The following USP25 variants were observed in gnomAD, a reference collection of about 807,000 sequenced individuals.
The protein encoded by USP25 is ubiquitin carboxyl-terminal hydrolase 25.
Under a neutral mutation model 158.5 loss-of-function variants are expected in USP25, and 85 were observed. That is an observed-to-expected ratio of 0.54 (90% confidence interval 0.45 to 0.64). The LOEUF is 0.64. Ranked by LOEUF, USP25 falls within the 30% of genes least tolerant of loss-of-function variation. USP25 has a pLI of 0.00. For synonymous variants in USP25, 464 were observed against 460.4 expected (o/e 1.01, Z -0.10); for missense variants, 1,242 against 1,327.3 (o/e 0.94, Z 1.00).
rs2037522561 is a variant in USP25 at position 15,826,724 on chromosome 21, A to C, written c.1467-253A>C. ...ATAAGCCAGGGAAAATAATATCACC[A>C]TGCGTAAGATTTTCTTGTTTTTTAG... On this transcript the variant is annotated intron_variant, in intron 13 of 25. Coordinates refer to ENST00000400183, the MANE Select transcript of USP25 (RefSeq NM_001283041.3). This position sits in a 1 kb window ranked among gnomAD's most constrained non-coding sequence, Gnocchi z 4.8. 6.6e-6 allele frequency among the ~76,000 whole-genome samples: 1 copy of C among 152,222 alleles called. No homozygotes were observed. Among genetic ancestry groups the C allele is most frequent in the Non-Finnish European group, 1.5e-5 (1 of 68,032 alleles).
intron 4 of USP25, among the ~76,000 whole-genome samples, chr21:15,780,301 C>T (rs537761339): frequency 1.3e-5 from 2 of 152,096 alleles, no homozygotes; most frequent in Admixed American, 6.5e-5. Context: ...GGCATTTATA[C>T]GTTTCATGCT....
At position 15,762,908 on chromosome 21, in the gene USP25, G is replaced by A. The variant is rs148656120; in HGVS notation, c.63G>A (p.Leu21=). 6.1e-5 allele frequency: 99 copies of A among 1,612,394 alleles called. No homozygotes were observed. The highest frequency in any genetic ancestry group is 8.1e-5 in the Non-Finnish European group (95 of 1,179,120). The change falls in exon 2 of 26, where the codon TTG becomes TTA. Residue 21 remains leucine, a synonymous_variant. Transcript: ENST00000400183. ...SAAQKHQQTF[L]NQLREITGIN... Reference sequence around the variant, plus strand: ...CCCTCTAGCACCAGCAGACGTTTTTGAATCAACTGAGAGAAATTACGGGGA... The same window carrying A: ...CCCTCTAGCACCAGCAGACGTTTTTAAATCAACTGAGAGAAATTACGGGGA...
chr21:15,767,699 A>T (rs2034123083), intron 3 of USP25, among the ~76,000 whole-genome samples: 1 of 152,044 alleles, frequency 6.6e-6, no homozygotes, highest in Non-Finnish European at 1.5e-5. Context: ...GGAAAAGGAT[A>T]ATTTTGACTA....
intron 8 of USP25, among the ~76,000 whole-genome samples, chr21:15,810,424 A>G (rs1053540264): frequency 2.0e-5 from 3 of 152,212 alleles, no homozygotes; most frequent in East Asian, 3.8e-4. Flanking sequence ...ACGCATTTCT[A>G]TACAGTAAGG....
chr21:15,826,260 A>G lies in USP25; in HGVS notation c.1361A>G (p.Tyr454Cys). The change falls in exon 13 of 26, where the codon TAT (tyrosine) becomes TGT (cysteine). Residue 454 changes from tyrosine (Y) to cysteine (C), a missense_variant. Around this residue, in one of 3 missense-constraint regions of USP25, gnomAD observed 627 missense variants for 701.4 expected, o/e 0.89. Transcript: ENST00000400183. The surrounding 1 kb of genome is among the most constrained non-coding windows in gnomAD (Gnocchi z 4.8). Reference sequence around the variant, plus strand: ...TTCCCCTTGGTAGATGTTCTTCAGTATGCATTGGAATTTGCCTCAAGTAAA... The same window carrying G: ...TTCCCCTTGGTAGATGTTCTTCAGTGTGCATTGGAATTTGCCTCAAGTAAA... ...KRFPLVDVLQ[Y>C]ALEFASSKPV... The G allele has an allele frequency of 1.2e-6, 2 of 1,614,098 alleles. No individual in the cohort carries two copies. Among genetic ancestry groups the G allele is most frequent in the African/African-American group, 1.3e-5 (1 of 75,048 alleles).
chr21:15,753,421 A>C (rs548177218), intron 1 of USP25, among the ~76,000 whole-genome samples: 33 of 152,368 alleles, frequency 2.2e-4, no homozygotes, highest in Admixed American at 1.2e-3. Context: ...AAATTCCTAT[A>C]GTCCCGGGGG....
chr21:15,757,797 A>G (rs989685178), intron 1 of USP25, among the ~76,000 whole-genome samples: 1 of 152,212 alleles, frequency 6.6e-6, no homozygotes, highest in African/African-American at 2.4e-5. Flanking sequence ...AAAAGGAAAT[A>G]CATCATGTGT....
intron 7 of USP25, 94 bp downstream of exon 7, chr21:15,805,352 G>T (rs1163115437): frequency 1.7e-6 from 2 of 1,201,290 alleles, no homozygotes; most frequent in Non-Finnish European, 2.2e-6. Context: ...TATTTGAGAT[G>T]CATGATTCTG....
At chr21:15,820,655 T>C (rs2037185260) in intron 10 of USP25, among the ~76,000 whole-genome samples, 1 of 151,992 alleles carries the variant, frequency 6.6e-6, no homozygotes. Context: ...AAATAACATA[T>C]TTAAATTATA....
At chr21:15,850,832 A>T (rs896856388) in intron 20 of USP25, among the ~76,000 whole-genome samples, 1 of 151,992 alleles carries the variant, frequency 6.6e-6, no homozygotes, top group African/African-American at 2.4e-5. Context: ...TAGGGTGACT[A>T]ACTCTCCTGA....
chr21:15,765,821 T>C (rs2034007113), intron 2 of USP25, among the ~76,000 whole-genome samples, 176 bp from the exon 3 acceptor site: 1 of 152,088 alleles, frequency 6.6e-6, no homozygotes, highest in African/African-American at 2.4e-5. Context: ...GGTATTACTA[T>C]TGATATAGTA....
intron 2 of USP25, among the ~76,000 whole-genome samples, chr21:15,763,234 G>T (rs147208383): frequency 6.6e-4 from 100 of 152,222 alleles, no homozygotes; most frequent in South Asian, 1.5e-3. Flanking sequence ...AGTGGGATGT[G>T]AATCCTAATT....
In USP25 at chr21:15,874,525, T is replaced by C; in HGVS notation, c.3008T>C (p.Leu1003Pro). The change falls in exon 24 of 26, where the codon CTA becomes CCA. Residue 1003 changes from leucine to proline, a missense_variant and splice_region_variant. Coordinates refer to ENST00000400183, the MANE Select transcript of USP25 (RefSeq NM_001283041.3). ...LISHYRRECL[L>P]KLNEQAAELF... ...TCACATTATAGAAGAGAATGTTTGC[T>C]AGTAAGTTGAATGCATATAGTATGA... 6.3e-7 allele frequency: 1 copy of C among 1,596,288 alleles called. No individual in the cohort carries two copies. The highest frequency in any genetic ancestry group is 8.5e-7 in the Non-Finnish European group (1 of 1,174,626).
At chr21:15,817,077 A>C (rs1163339124) in intron 9 of USP25, among the ~76,000 whole-genome samples, 1 of 151,494 alleles carries the variant, frequency 6.6e-6, no homozygotes, top group East Asian at 1.9e-4. Flanking sequence ...GTTTGCAGTG[A>C]GCCGAGATCA....
chr21:15,788,753 A>T (rs2123592984), intron 4 of USP25, among the ~76,000 whole-genome samples: 1 of 152,124 alleles, frequency 6.6e-6, no homozygotes, highest in East Asian at 1.9e-4. Flanking sequence ...GTTAAGGTGT[A>T]TTGTGATAAA....
chr21:15,793,588 T>A (rs2035709539), intron 5 of USP25, among the ~76,000 whole-genome samples: 1 of 151,660 alleles, frequency 6.6e-6, no homozygotes, highest in East Asian at 1.9e-4. Context: ...ACTCCTAACA[T>A]AGGCAAGTAT....
intron 3 of USP25, among the ~76,000 whole-genome samples, chr21:15,776,748 G>A (rs1241596500): frequency 6.6e-6 from 1 of 152,130 alleles, no homozygotes; most frequent in African/African-American, 2.4e-5. Flanking sequence ...GTTGGGGCGG[G>A]AGGATCACTG....
At chr21:15,791,805 G>A in intron 5 of USP25, 141 bp downstream of exon 5, 1 of 819,634 alleles carries the variant, frequency 1.2e-6, no homozygotes, top group Non-Finnish European at 1.7e-6. Flanking sequence ...AACTAGCTTG[G>A]GGATTGAAGT....
Position 15,816,725 on chromosome 21 carries a change from A to G in USP25, c.932-1973A>G, listed in dbSNP as rs530627419. ...AATCTTAGTTACAGATTCATATTCA[A>G]CTGTCTTCTCAAATTGAAATCTCAT... On this transcript the variant is annotated intron_variant, in intron 9 of 25. Transcript: ENST00000400183. The surrounding 1 kb of genome is among the most constrained non-coding windows in gnomAD (Gnocchi z 4.0). Among the ~76,000 whole-genome samples the G allele has an allele frequency of 6.6e-6, 1 of 152,302 alleles. No homozygotes were observed. Among genetic ancestry groups the G allele is most frequent in the Non-Finnish European group, 1.5e-5 (1 of 68,016 alleles).
Sources: gnomAD v4.1 joint callset for allele counts (sites outside exome capture counted in the v4.1 genomes callset) on GRCh38, gnomAD v4.1.1 for gene constraint, gnomAD v4.1.1 regional missense constraint, Gnocchi (gnomAD v3.1) non-coding constraint, MANE v1.5 for transcripts, NCBI Gene and HGNC (gene_info 2026-07-23, HGNC 2026-07-21) for gene names.